HIVEP1: variants seen among roughly 807,000 people sequenced by gnomAD.
HIVEP1 encodes zinc finger protein 40.
In HIVEP1, 36 loss-of-function variants were observed where a neutral mutation model predicts 180.0. The observed-to-expected ratio is 0.20, with a 90% CI of 0.15 to 0.26. The LOEUF (loss-of-function observed/expected upper bound fraction) is 0.26. Ranked by LOEUF, HIVEP1 falls within the 10% of genes least tolerant of loss-of-function variation. HIVEP1 has a pLI of 1.00. For missense variants in HIVEP1, 3,143 were observed against 3,268.7 expected (o/e 0.96, Z 0.94); for synonymous variants, 1,239 against 1,239.0 (o/e 1.00, Z 0.00).
At chr6:12,133,443 G>A (rs1256865603) in intron 6 of HIVEP1, among the ~76,000 whole-genome samples, 2 of 152,010 alleles carry the variant, frequency 1.3e-5, no homozygotes, top group African/African-American at 2.4e-5. Flanking sequence ...ATTAACACCA[G>A]GTTTATAAAA....
At chr6:12,168,377 T>C (rs978958781), downstream of HIVEP1, among the ~76,000 whole-genome samples, 8 of 126,750 alleles carry the variant, frequency 6.3e-5, 1 homozygote, top group Admixed American at 3.6e-4. Context: ...CATATACATG[T>C]ATATATGTAT....
At chr6:12,050,578 TC>T (rs1292373480) in intron 2 of HIVEP1, among the ~76,000 whole-genome samples, 2 of 145,064 alleles carry the variant, frequency 1.4e-5, no homozygotes, top group Non-Finnish European at 3.0e-5. Flanking sequence ...AGAGAGAGAC[TC>T]CGTCTCAAAA....
chr6:12,044,040 A>G (rs1769952916), intron 2 of HIVEP1, among the ~76,000 whole-genome samples: 1 of 152,088 alleles, frequency 6.6e-6, no homozygotes, highest in Non-Finnish European at 1.5e-5. Flanking sequence ...TTTTAAATAT[A>G]CATTGGGAAT....
chr6:12,060,388 A>G (rs1314486347), intron 2 of HIVEP1, among the ~76,000 whole-genome samples: 2 of 152,262 alleles, frequency 1.3e-5, no homozygotes, highest in Non-Finnish European at 2.9e-5. Flanking sequence ...ACAATTGAAT[A>G]ATGAATGATA....
chr6:12,119,817 T>G (rs920964579), intron 3 of HIVEP1, 73 bp from the exon 4 acceptor site: 1 of 1,000,532 alleles, frequency 1.0e-6, no homozygotes, highest in African/African-American at 1.6e-5. Flanking sequence ...ATAGTAATCT[T>G]AATTTTCAAA....
At position 12,125,150 on chromosome 6, in the gene HIVEP1, G is replaced by A. The variant is rs145425253; in HGVS notation, c.5355G>A (p.Ser1785=). The A allele has an allele frequency of 1.9e-5, 31 of 1,613,828 alleles. No individual in the cohort carries two copies. Among genetic ancestry groups the A allele is most frequent in the South Asian group, 1.2e-4 (11 of 90,964 alleles). Residue 1785 remains serine, a synonymous_variant, in exon 4 of 9, where the codon TCG becomes TCA. Transcript: ENST00000379388. Reference sequence around the variant, plus strand: ...TGAGACCTTTAGAGGCTTTGAGTTCGAGAGTTAATGAAGCTAGTAAACAGA... The same window carrying A: ...TGAGACCTTTAGAGGCTTTGAGTTCAAGAGTTAATGAAGCTAGTAAACAGA... ...TDVRPLEALS[S]RVNEASKQKK...
chr6:12,117,526 TTTG>T (rs750976089), intron 3 of HIVEP1, among the ~76,000 whole-genome samples: 76 of 152,362 alleles, frequency 5.0e-4, no homozygotes, highest in Non-Finnish European at 8.2e-4. Flanking sequence ...GGTTACAGTT[TTTG>T]TTGTTGTTGT....
chr6:12,118,163 G>C (rs1383504420), intron 3 of HIVEP1, among the ~76,000 whole-genome samples: 2 of 150,840 alleles, frequency 1.3e-5, no homozygotes, highest in Non-Finnish European at 3.0e-5. Context: ...ATTATGGTGG[G>C]TAAATATATC....
At chr6:12,097,737 G>A (rs1340993731) in intron 3 of HIVEP1, among the ~76,000 whole-genome samples, 2 of 152,018 alleles carry the variant, frequency 1.3e-5, no homozygotes, top group Admixed American at 1.3e-4. Context: ...AGAGATCATT[G>A]CCTTTCAGAT....
intron 3 of HIVEP1, among the ~76,000 whole-genome samples, chr6:12,111,832 C>T (rs1160550395): frequency 3.3e-5 from 5 of 152,196 alleles, no homozygotes; most frequent in African/African-American, 9.7e-5. Flanking sequence ...ACATTTGCAG[C>T]GTCCCCTTTG....
chr6:12,118,724 T>G (rs1775374546), intron 3 of HIVEP1, among the ~76,000 whole-genome samples: 1 of 152,210 alleles, frequency 6.6e-6, no homozygotes, highest in South Asian at 2.1e-4. Context: ...TTATGACTTT[T>G]TAATTTTGTT....
intron 7 of HIVEP1, among the ~76,000 whole-genome samples, chr6:12,139,808 T>A (rs1177744642): frequency 6.6e-6 from 1 of 152,222 alleles, no homozygotes; most frequent in African/African-American, 2.4e-5. Flanking sequence ...TTGCTGAGGC[T>A]TGAGTAGGTA....
intron 6 of HIVEP1, among the ~76,000 whole-genome samples, chr6:12,135,238 C>T (rs1581758580): frequency 6.6e-6 from 1 of 152,070 alleles, no homozygotes; most frequent in African/African-American, 2.4e-5. Context: ...AAAAACTGGC[C>T]CAGAGTCAGT....
intron 2 of HIVEP1, among the ~76,000 whole-genome samples, chr6:12,023,807 C>T (rs1198926148): frequency 6.6e-6 from 1 of 152,064 alleles, no homozygotes; most frequent in East Asian, 1.9e-4. Flanking sequence ...TATTTTAGAA[C>T]ATTTTTGTAC....
chr6:12,167,665 CAT>C (rs1399941729), downstream of HIVEP1, among the ~76,000 whole-genome samples: 892 of 78,332 alleles, frequency 0.011, 39 homozygotes, highest in Non-Finnish European at 0.014. Flanking sequence ...GTTATATATA[CAT>C]ATATACATAT....
At chr6:12,142,292 A>C (rs1044984511) in intron 7 of HIVEP1, among the ~76,000 whole-genome samples, 8 of 152,188 alleles carry the variant, frequency 5.3e-5, no homozygotes, top group Non-Finnish European at 2.9e-5. Context: ...CTGATGGGTA[A>C]GTAATGAAAT....
downstream of HIVEP1, among the ~76,000 whole-genome samples, chr6:12,168,653 T>TA (rs1350452685): frequency 2.0e-5 from 3 of 151,962 alleles, no homozygotes; most frequent in African/African-American, 7.3e-5. Flanking sequence ...TTTGATCTCT[T>TA]ATGATGCTGG....
intron 7 of HIVEP1, among the ~76,000 whole-genome samples, chr6:12,148,566 T>G (rs1562001300): frequency 1.3e-5 from 2 of 152,206 alleles, no homozygotes. Context: ...TATCATGGGG[T>G]CTTGATATCA....
downstream of HIVEP1, among the ~76,000 whole-genome samples, chr6:12,165,952 A>G (rs987632443): frequency 6.6e-6 from 1 of 152,218 alleles, no homozygotes; most frequent in Admixed American, 6.5e-5. Flanking sequence ...CCCAGCACGC[A>G]CTGGTGGATC....
Sources: allele counts gnomAD v4.1 joint callset (sites outside exome capture counted in the v4.1 genomes callset), GRCh38; gene constraint gnomAD v4.1.1; transcripts MANE v1.5; gene names NCBI Gene and HGNC (gene_info 2026-07-23, HGNC 2026-07-21).